Variants in TRABD2A observed in about 807,000 individuals in gnomAD.
TRABD2A encodes the protein TraB domain containing 2A.
TRABD2A carries 43 observed loss-of-function variants against 45.6 expected under a neutral mutation model. The ratio of observed to expected loss-of-function variants is 0.94; its 90% CI spans 0.74 to 1.22. The LOEUF is 1.22. Ranked by LOEUF, TRABD2A falls within the 50% of genes most tolerant of loss-of-function variation. The pLI is 0.00. For synonymous variants in TRABD2A, 269 were observed against 265.0 expected, an observed-to-expected ratio of 1.02 and a Z score of -0.15; for missense variants, 642 against 652.4, an observed-to-expected ratio of 0.98 and a Z score of 0.17.
At chr2:84,844,794 A>G (rs1681830582) in intron 2 of TRABD2A, among the ~76,000 whole-genome samples, 1 of 152,214 alleles carries the variant, frequency 6.6e-6, no homozygotes, top group Non-Finnish European at 1.5e-5. Flanking sequence ...TTCTGTCTCC[A>G]TCTAACTCAT....
At chr2:84,875,946 T>C (rs1338743721) in intron 1 of TRABD2A, among the ~76,000 whole-genome samples, 1 of 150,868 alleles carries the variant, frequency 6.6e-6, no homozygotes, top group African/African-American at 2.4e-5. Context: ...TGAGCTATGA[T>C]TGCACCACTG....
At chr2:84,862,088 G>A (rs535475750) in intron 2 of TRABD2A, among the ~76,000 whole-genome samples, 13 of 152,284 alleles carry the variant, frequency 8.5e-5, no homozygotes, top group African/African-American at 2.9e-4. Context: ...CAGGGTCCAG[G>A]GCAGCCCCCA....
chr2:84,850,411 G>A (rs1682041343), intron 2 of TRABD2A, among the ~76,000 whole-genome samples: 1 of 152,058 alleles, frequency 6.6e-6, no homozygotes, highest in Non-Finnish European at 1.5e-5. Context: ...CTGCACTTGG[G>A]GAAGAAGATG....
intron 1 of TRABD2A, chr2:84,879,592 C>T (rs144016548): frequency 0.036 from 35,822 of 984,858 alleles, 747 homozygotes; most frequent in South Asian, 0.082. Flanking sequence ...TCCAGACTCA[C>T]TCGTCATAAT....
chr2:84,851,715 A>G (rs369222643), intron 2 of TRABD2A, among the ~76,000 whole-genome samples: 6 of 152,194 alleles, frequency 3.9e-5, no homozygotes, highest in Admixed American at 3.3e-4. Context: ...TACTTCTAGG[A>G]ATGTCTCCCC....
chr2:84,870,227 G>T lies in TRABD2A; in HGVS notation c.667C>A (p.Gln223Lys). ...CHPLNGLNFS[Q>K]VIFALNQTLL... ...CTTTTATGCAAAGAGAGTCTTACCTGTGAAAAGTTCAACCCATTCAATGGA... is the reference window on the plus strand; with the variant it reads ...CTTTTATGCAAAGAGAGTCTTACCTTTGAAAAGTTCAACCCATTCAATGGA... The change falls in exon 2 of 7, where the codon CAG becomes AAG. Residue 223 changes from glutamine to lysine, a missense_variant and splice_region_variant. Coordinates refer to ENST00000409520, the MANE Select transcript of TRABD2A (RefSeq NM_001277053.2). 6.2e-7 allele frequency: 1 copy of T among 1,606,120 alleles called. No homozygotes were observed. Among genetic ancestry groups the T allele is most frequent in the Non-Finnish European group, 8.5e-7 (1 of 1,174,428 alleles).
intron 2 of TRABD2A, among the ~76,000 whole-genome samples, chr2:84,846,461 G>C (rs901052593): frequency 3.9e-5 from 6 of 152,128 alleles, no homozygotes; most frequent in African/African-American, 1.4e-4. Flanking sequence ...AGTGCCTCGA[G>C]AGACCAGCTA....
intron 5 of TRABD2A, among the ~76,000 whole-genome samples, chr2:84,824,451 T>TC (rs898377578): frequency 1.8e-4 from 27 of 151,744 alleles, no homozygotes; most frequent in African/African-American, 6.3e-4. Context: ...GGGAGAAAGA[T>TC]CCAAGATTTT....
chr2:84,859,020 A>G (rs139751400), intron 2 of TRABD2A, among the ~76,000 whole-genome samples: 45 of 152,286 alleles, frequency 3.0e-4, no homozygotes, highest in African/African-American at 9.9e-4. Context: ...ACCCCTCACA[A>G]GGGAAGGAAG....
chr2:84,832,246 C>T, intron 4 of TRABD2A, 101 bp from the exon 5 acceptor site: 2 of 1,192,598 alleles, frequency 1.7e-6, no homozygotes, highest in Non-Finnish European at 2.4e-6. Flanking sequence ...CTGCCAAGCC[C>T]CCTGCCTATC....
chr2:84,879,753 C>T (rs1232572281), intron 1 of TRABD2A: 1 of 262,608 alleles, frequency 3.8e-6, no homozygotes, highest in African/African-American at 2.3e-5. Flanking sequence ...CCAGCTGCCG[C>T]GCCTCCTGCC....
intron 2 of TRABD2A, among the ~76,000 whole-genome samples, chr2:84,865,422 G>A (rs1014377063): frequency 3.3e-5 from 5 of 152,204 alleles, no homozygotes; most frequent in Admixed American, 6.5e-5. Context: ...GCACCTCAGC[G>A]TCAACTCTGG....
At chr2:84,826,271 T>G (rs1274388280) in intron 5 of TRABD2A, among the ~76,000 whole-genome samples, 1 of 152,102 alleles carries the variant, frequency 6.6e-6, no homozygotes, top group Non-Finnish European at 1.5e-5. Flanking sequence ...TCTGTTCAAC[T>G]CACAACAAAC....
At chr2:84,833,368 G>A (rs891866046) in intron 4 of TRABD2A, 4 of 152,174 alleles carry the variant, frequency 2.6e-5, no homozygotes, top group African/African-American at 9.7e-5. Context: ...TTTCACCACT[G>A]ATCCTAGGTT....
At position 84,853,072 on chromosome 2, in the gene TRABD2A, T is replaced by C. The variant is rs948622102; in HGVS notation, c.670-11065A>G. ...TGTGAACTTATTTGGAAACAAGCTCTTGCAGATATATTTAAGTTAAGATCA... is the reference window on the plus strand; with the variant it reads ...TGTGAACTTATTTGGAAACAAGCTCCTGCAGATATATTTAAGTTAAGATCA... On this transcript the variant is annotated intron_variant, in intron 2 of 6. Coordinates refer to ENST00000409520, the MANE Select transcript of TRABD2A (RefSeq NM_001277053.2). Among the ~76,000 whole-genome samples the C allele has an allele frequency of 5.9e-5, 9 of 152,218 alleles. No individual in the cohort carries two copies. The East Asian group carries it at 9.7e-4, about 16-fold the overall frequency.
At chr2:84,827,451 GCA>G (rs1460674019) in intron 5 of TRABD2A, among the ~76,000 whole-genome samples, 1 of 152,204 alleles carries the variant, frequency 6.6e-6, no homozygotes, top group Non-Finnish European at 1.5e-5. Context: ...ACAGTGCTGA[GCA>G]CACAGTAGAT....
At chr2:84,829,679 C>A (rs1295700634) in intron 5 of TRABD2A, among the ~76,000 whole-genome samples, 1 of 151,142 alleles carries the variant, frequency 6.6e-6, no homozygotes, top group Non-Finnish European at 1.5e-5. Flanking sequence ...ACATACCCCA[C>A]ACACATACAC....
rs1682824584 is a variant in TRABD2A at position 84,870,213 on chromosome 2, A to G, written c.669+12T>C. On this transcript the variant is annotated intron_variant, in intron 2 of 6. Transcript: ENST00000409520. ...AAATGCCACTAAGTCTTTTATGCAA[A>G]GAGAGTCTTACCTGTGAAAAGTTCA... 3 of 1,590,146 alleles carry G rather than the reference A, an allele frequency of 1.9e-6. No individual in the cohort carries two copies. The highest frequency in any genetic ancestry group is 3.4e-5 in the Admixed American group (2 of 58,512).
chr2:84,844,844 G>A (rs115352803), intron 2 of TRABD2A, among the ~76,000 whole-genome samples: 3,551 of 152,338 alleles, frequency 0.023, 70 homozygotes, highest in South Asian at 0.058. Context: ...ACAAATACCT[G>A]CTGATGAGCT....
Sources: gnomAD v4.1 joint callset for allele counts (sites outside exome capture counted in the v4.1 genomes callset) on GRCh38, gnomAD v4.1.1 for gene constraint, MANE v1.5 for transcripts, NCBI Gene and HGNC (gene_info 2026-07-23, HGNC 2026-07-21) for gene names.